Variants in ATRNL1 observed in about 807,000 individuals in gnomAD.
ATRNL1 encodes the protein attractin-like protein 1.
In ATRNL1, 95 loss-of-function variants were observed where a neutral mutation model predicts 182.7. The ratio of observed to expected loss-of-function variants is 0.52; its 90% CI spans 0.44 to 0.62. The LOEUF (loss-of-function observed/expected upper bound fraction) is 0.62, where lower values mean the gene tolerates loss of function less well. ATRNL1 is among the 20% of genes least tolerant of loss of function. ATRNL1 has a pLI of 0.00. For synonymous variants in ATRNL1, 576 were observed against 568.3 expected, an observed-to-expected ratio of 1.01 and a Z score of -0.19; for missense variants, 1,471 against 1,679.5, an observed-to-expected ratio of 0.88 and a Z score of 2.17.
intron 15 of ATRNL1, among the ~76,000 whole-genome samples, chr10:115,297,274 C>A (rs191536140): frequency 6.6e-6 from 1 of 152,094 alleles, no homozygotes; most frequent in Non-Finnish European, 1.5e-5. Context: ...GCATATGGGA[C>A]AAACAACATA....
intron 27 of ATRNL1, among the ~76,000 whole-genome samples, chr10:115,812,499 G>A (rs910341220): frequency 2.0e-5 from 3 of 152,124 alleles, no homozygotes; most frequent in South Asian, 2.1e-4. Flanking sequence ...TTAAGCAGAC[G>A]GAGTTTTGTT....
At chr10:115,571,040 C>G (rs534010115) in intron 26 of ATRNL1, among the ~76,000 whole-genome samples, 1 of 152,308 alleles carries the variant, frequency 6.6e-6, no homozygotes, top group Non-Finnish European at 1.5e-5. Context: ...GATGGAGAAT[C>G]TTCCACCCCC....
chr10:115,510,660 A>T (rs1243290197), intron 24 of ATRNL1, among the ~76,000 whole-genome samples: 5 of 152,044 alleles, frequency 3.3e-5, no homozygotes, highest in African/African-American at 1.2e-4. Flanking sequence ...CTTTATTGCG[A>T]TATTAACTTT....
At chr10:115,729,409 T>G (rs2134066711) in intron 27 of ATRNL1, among the ~76,000 whole-genome samples, 1 of 152,226 alleles carries the variant, frequency 6.6e-6, no homozygotes, top group East Asian at 1.9e-4. Context: ...GTTAGCTTTT[T>G]TATTTTTTCA....
At chr10:115,389,603 A>T (rs1843915834) in intron 19 of ATRNL1, among the ~76,000 whole-genome samples, 1 of 108,488 alleles carries the variant, frequency 9.2e-6, no homozygotes, top group Non-Finnish European at 2.0e-5. Context: ...TCATCCAATG[A>T]TGGACACCTA....
At chr10:115,799,820 C>G (rs565056286) in intron 27 of ATRNL1, among the ~76,000 whole-genome samples, 6 of 152,256 alleles carry the variant, frequency 3.9e-5, no homozygotes, top group South Asian at 2.1e-4. Flanking sequence ...GTATCATTTT[C>G]TAAAAATCTT....
rs575934033 is a variant in ATRNL1, at chr10:115,329,217, T to C, written c.3038-5065T>C. Among the ~76,000 whole-genome samples the C allele has an allele frequency of 4.6e-5, 7 of 152,232 alleles. No individual in the cohort carries two copies. In the South Asian group the frequency reaches 1.2e-3, roughly 27 times the overall value. ...TGTATAGTGTTTGAAGTTCCTTCTC[T>C]TTTCTTCTAGTTTTATTTCATTATG... is the stretch of plus-strand genomic sequence containing the variant. On this transcript the variant is annotated intron_variant, in intron 18 of 28. Coordinates refer to ENST00000355044, the MANE Select transcript of ATRNL1 (RefSeq NM_207303.4).
chr10:115,800,976 A>G (rs1949778630), intron 27 of ATRNL1, among the ~76,000 whole-genome samples: 1 of 152,210 alleles, frequency 6.6e-6, no homozygotes, highest in African/African-American at 2.4e-5. Context: ...AGGAAAATAC[A>G]GGTCTTCTTC....
chr10:115,350,487 G>A (rs1163731473), intron 19 of ATRNL1, among the ~76,000 whole-genome samples: 1 of 151,116 alleles, frequency 6.6e-6, no homozygotes, highest in Non-Finnish European at 1.5e-5. Flanking sequence ...CCATTCTTCT[G>A]TATATACAGG....
intron 8 of ATRNL1, among the ~76,000 whole-genome samples, chr10:115,202,819 CCTT>C (rs1383933134): frequency 6.8e-6 from 1 of 147,306 alleles, no homozygotes; most frequent in Admixed American, 6.8e-5. Context: ...ACCAGTTCCT[CCTT>C]GTACCTCTGG....
At position 115,782,339 on chromosome 10, in the gene ATRNL1, C is replaced by T. The variant is rs559617178; in HGVS notation, c.3903+54984C>T. 5.3e-5 allele frequency among the ~76,000 whole-genome samples: 8 copies of T among 152,292 alleles called. No individual in the cohort carries two copies. In the South Asian group the frequency reaches 1.7e-3, roughly 32 times the overall value. ...CAAAATCTGTTTTTAAAGGAATAAA[C>T]AGGGCAAAATGAAATTGAACCTTTA... On this transcript the variant is annotated intron_variant, in intron 27 of 28. Coordinates refer to ENST00000355044, the MANE Select transcript of ATRNL1 (RefSeq NM_207303.4).
At chr10:115,699,522 A>T (rs1360494816) in intron 26 of ATRNL1, among the ~76,000 whole-genome samples, 14 of 152,182 alleles carry the variant, frequency 9.2e-5, no homozygotes, top group Admixed American at 9.2e-4. Context: ...GATATGTGTC[A>T]CTGCAAATTA....
At chr10:115,693,586 T>C (rs1216692740) in intron 26 of ATRNL1, among the ~76,000 whole-genome samples, 1 of 152,124 alleles carries the variant, frequency 6.6e-6, no homozygotes, top group Non-Finnish European at 1.5e-5. Context: ...AAGTTCATCA[T>C]AGTATGAACA....
intron 20 of ATRNL1, among the ~76,000 whole-genome samples, chr10:115,421,151 T>C (rs1325721426): frequency 6.6e-6 from 1 of 152,136 alleles, no homozygotes; most frequent in African/African-American, 2.4e-5. Context: ...TATCAAACTA[T>C]TCCAAAAAAT....
rs538158956 is a variant in ATRNL1 at position 115,939,398 on chromosome 10, T to TA, written c.4019-5259dup. On this transcript the variant is annotated intron_variant, in intron 28 of 28. Transcript: ENST00000355044. ...ATGGTATGTTCCTTCCTATGCGGTT[T>TA]ATACTTCCTATTTAAATAATCTAAA... is the stretch of plus-strand genomic sequence containing the variant. Among the ~76,000 whole-genome samples the TA allele has an allele frequency of 1.6e-3, 245 of 152,336 alleles. 1 individual carries two copies. The highest frequency in any genetic ancestry group is 2.7e-3 in the Non-Finnish European group (187 of 68,034).
intron 19 of ATRNL1, among the ~76,000 whole-genome samples, chr10:115,342,585 A>G (rs1855801753): frequency 1.3e-5 from 2 of 152,048 alleles, no homozygotes; most frequent in South Asian, 4.1e-4. Context: ...TGAGTGGTTC[A>G]TTGTTTAGTC....
chr10:115,199,041 A>G (rs1554891697), intron 8 of ATRNL1, among the ~76,000 whole-genome samples: 1 of 152,080 alleles, frequency 6.6e-6, no homozygotes, highest in Non-Finnish European at 1.5e-5. Flanking sequence ...TTTGTGAAAA[A>G]TGTCATTGAG....
intron 27 of ATRNL1, among the ~76,000 whole-genome samples, chr10:115,827,808 A>G (rs535565295): frequency 2.1e-4 from 32 of 152,296 alleles, no homozygotes; most frequent in African/African-American, 7.0e-4. Context: ...CTCAGTGAGC[A>G]TGAAATAGAC....
chr10:115,671,957 A>G (rs1455587138), intron 26 of ATRNL1, among the ~76,000 whole-genome samples: 2 of 152,146 alleles, frequency 1.3e-5, no homozygotes, highest in Non-Finnish European at 2.9e-5. Flanking sequence ...ACAGATTTAT[A>G]AAGAAATAAA....
Sources: gnomAD v4.1 joint callset for allele counts (sites outside exome capture counted in the v4.1 genomes callset) on GRCh38, gnomAD v4.1.1 for gene constraint, MANE v1.5 for transcripts, NCBI Gene and HGNC (gene_info 2026-07-23, HGNC 2026-07-21) for gene names.